CTSE: variants seen among roughly 807,000 people sequenced by gnomAD.
The protein encoded by CTSE is cathepsin E.
CTSE carries 43 observed loss-of-function variants against 42.8 expected under a neutral mutation model. That is an observed-to-expected ratio of 1.01 (90% CI 0.79 to 1.30). The LOEUF is 1.30. Ranked by LOEUF, CTSE falls within the 50% of genes most tolerant of loss-of-function variation. CTSE has a pLI of 0.00. For missense variants in CTSE, 532 were observed against 493.5 expected (o/e 1.08, Z -0.74); for synonymous variants, 205 against 191.5 (o/e 1.07, Z -0.58).
intron 7 of CTSE, 40 bp from the exon 8 acceptor site, chr1:206,012,446 C>T (rs1553277132): frequency 6.2e-7 from 1 of 1,613,718 alleles, no homozygotes; most frequent in African/African-American, 1.3e-5. Context: ...AGCCTTGCCA[C>T]CTCCCAAGAG....
At chr1:206,022,874 C>T (rs1553278657) in intron 2 of CTSE, 27 bp downstream of exon 2, 3 of 1,543,180 alleles carry the variant, frequency 1.9e-6, no homozygotes, top group South Asian at 1.3e-5. Flanking sequence ...CCCACCTCTC[C>T]CCAGCCCTGA....
At chr1:206,023,363 G>A (rs1553278785) in intron 1 of CTSE, among the ~76,000 whole-genome samples, 1 of 151,866 alleles carries the variant, frequency 6.6e-6, no homozygotes, top group South Asian at 2.1e-4. Flanking sequence ...ACATCACGAA[G>A]GGCTGATTTA....
chr1:206,010,880 T>G (rs534778773), intron 8 of CTSE, among the ~76,000 whole-genome samples: 50 of 152,084 alleles, frequency 3.3e-4, no homozygotes, highest in Non-Finnish European at 5.7e-4. Flanking sequence ...AAGAGAAGAG[T>G]GTCACCTTCT....
intron 6 of CTSE, among the ~76,000 whole-genome samples, chr1:206,013,424 T>A (rs1178423127): frequency 6.6e-6 from 1 of 151,976 alleles, no homozygotes; most frequent in Non-Finnish European, 1.5e-5. Context: ...CTGTACAAGT[T>A]TTTTGAGGAC....
intron 3 of CTSE, 46 bp downstream of exon 3, chr1:206,022,104 G>C (rs782648264): frequency 1.2e-5 from 17 of 1,387,828 alleles, no homozygotes; most frequent in Non-Finnish European, 1.7e-5. Flanking sequence ...GGCCTCCCAG[G>C]ACTAGCCCCC....
At chr1:206,010,471 C>A in intron 8 of CTSE, 124 bp from the exon 9 acceptor site, 1 of 788,266 alleles carries the variant, frequency 1.3e-6, no homozygotes. Flanking sequence ...GTGGGTTCCA[C>A]CATTTTGGTC....
chr1:206,013,316 C>A (rs536269959), intron 6 of CTSE, among the ~76,000 whole-genome samples: 5 of 152,134 alleles, frequency 3.3e-5, no homozygotes, highest in Admixed American at 3.3e-4. Context: ...CAGATAGAAG[C>A]GGTCATGCCT....
Position 206,022,931 on chromosome 1 carries a change from A to C in CTSE, c.195T>G (p.Ser65Arg). The change falls in exon 2 of 9, where the codon AGT (serine) becomes AGG (arginine). Residue 65 changes from serine to arginine, a missense_variant. Transcript: ENST00000358184. ...AGTAGTTGATGAGGGGTTCCTTGGC[A>C]CTCTGGTCCATTGAGCAGGACTCGG... Reference protein sequence around the residue: ...QFTESCSMDQSAKEPLINYLD... With the variant: ...QFTESCSMDQRAKEPLINYLD... 1 of 1,594,070 alleles carries C rather than the reference A, an allele frequency of 6.3e-7. No homozygotes were observed. The highest frequency in any genetic ancestry group is 8.6e-7 in the Non-Finnish European group (1 of 1,167,730).
intron 6 of CTSE, among the ~76,000 whole-genome samples, chr1:206,012,946 G>A (rs368780285): frequency 1.5e-4 from 23 of 151,978 alleles, no homozygotes; most frequent in South Asian, 8.3e-4. Flanking sequence ...CACCTGCCTC[G>A]GCCTCCCAAA....
chr1:206,010,071 C>A lies in CTSE; in HGVS notation c.*112G>T, dbSNP rs962975686. 2.9e-4 allele frequency: 401 copies of A among 1,363,542 alleles called. 2 individuals are homozygous for A. Among genetic ancestry groups the A allele is most frequent in the Admixed American group, 7.1e-5 (4 of 56,164 alleles). The allele number at this position is 1,363,542 out of a possible 1,614,324, so 84.5% of individuals were successfully genotyped here. A position where few individuals can be genotyped will look rare whatever the true frequency, so the allele number is the denominator to read the frequency against. On this transcript the variant is annotated 3_prime_UTR_variant, in exon 9 of 9. Transcript: ENST00000358184. ...GTTTGGTCTTAATTCAAGTTGCAAC[C>A]CTGGAAACAGCTACATTCTCTGGAA...
intron 2 of CTSE, among the ~76,000 whole-genome samples, chr1:206,022,500 C>A (rs1553278608): frequency 1.3e-5 from 2 of 152,070 alleles, no homozygotes; most frequent in East Asian, 1.9e-4. Context: ...ATTTTACTTG[C>A]ACTAACCTGA....
Position 206,015,820 on chromosome 1 carries a change from G to A in CTSE, c.662+111C>T, listed in dbSNP as rs116221170. 315 of 861,414 alleles carry A rather than the reference G, an allele frequency of 3.7e-4. 4 individuals carry two copies. The African/African-American group carries it at 5.1e-3, about 14-fold the overall frequency. 53.4% of individuals were successfully genotyped at this position (861,414 alleles called of 1,614,324 possible). A position where few individuals can be genotyped will look rare whatever the true frequency, so the allele number is the denominator to read the frequency against. On this transcript the variant is annotated intron_variant, in intron 5 of 8. Coordinates refer to ENST00000358184, the MANE Select transcript of CTSE (RefSeq NM_001910.4). ...ATGTTTTGACTAAGATCACACAGCT[G>A]GTAATGGACCAAGCTACCTAAACCA...
chr1:206,009,998 AGTG>A lies in CTSE; in HGVS notation c.*182_*184del. ...TGGTGGGAGTGGTGTGTATGTGTGA[AGTG>A]TGTGTGTGTGTATATGTGTGTGTGT... On this transcript the variant is annotated 3_prime_UTR_variant, in exon 9 of 9. Transcript: ENST00000358184. 3.4e-6 allele frequency: 2 copies of A among 587,050 alleles called. No homozygotes were observed. The highest frequency in any genetic ancestry group is 6.1e-6 in the Non-Finnish European group (2 of 329,944). 36.4% of individuals were successfully genotyped at this position (587,050 alleles called of 1,614,324 possible).
Position 206,022,190 on chromosome 1 carries a change from G to T in CTSE, c.303C>A (p.Asn101Lys), listed in dbSNP as rs1553278527. ...TGCAGTACACAGAGGGGACCCAGAG[G>T]TTGGAGGAGCCAGTGTCGAAGATGA... ...FTVIFDTGSS[N>K]LWVPSVYCTS... The change falls in exon 3 of 9, where the codon AAC (asparagine) becomes AAA (lysine). Residue 101 changes from asparagine (N) to lysine (K), a missense_variant. Asn to Lys is a moderately conservative substitution (Grantham distance 94). Transcript: ENST00000358184. 6.2e-7 allele frequency: 1 copy of T among 1,612,910 alleles called. No homozygotes were observed. Among genetic ancestry groups the T allele is most frequent in the Non-Finnish European group, 8.5e-7 (1 of 1,179,156 alleles).
chr1:206,023,736 C>T lies in CTSE; in HGVS notation c.56G>A (p.Gly19Glu). The change falls in exon 1 of 9, where the codon GGA becomes GAA. Residue 19 changes from glycine to glutamate, a missense_variant. Transcript: ENST00000358184. ...GACGTCTTCTCACCTGTGAAGGGAT[C>T]CTTGGGCCTCTCCCAGCTCCAGGAG... Reference protein sequence around the residue: ...LVLLELGEAQGSLHRVPLRRH... With the variant: ...LVLLELGEAQESLHRVPLRRH... 6.2e-7 allele frequency: 1 copy of T among 1,613,666 alleles called. No homozygotes were observed. Among genetic ancestry groups the T allele is most frequent in the Non-Finnish European group, 8.5e-7 (1 of 1,179,738 alleles).
rs77253261 is a variant in CTSE, at chr1:206,011,111, T to A, written c.1027-764A>T. On this transcript the variant is annotated intron_variant, in intron 8 of 8. Coordinates refer to ENST00000358184, the MANE Select transcript of CTSE (RefSeq NM_001910.4). ...AAATCTGCTGGTGGGAAAGAACCACTCACTGTACTGCGAAAGAACCAGCAC... is the reference window on the plus strand; with the variant it reads ...AAATCTGCTGGTGGGAAAGAACCACACACTGTACTGCGAAAGAACCAGCAC... 5.9e-3 allele frequency among the ~76,000 whole-genome samples: 895 copies of A among 152,028 alleles called. 8 individuals are homozygous for A. The highest frequency in any genetic ancestry group is 0.021 in the African/African-American group (854 of 41,498).
intron 4 of CTSE, among the ~76,000 whole-genome samples, chr1:206,018,227 T>C (rs565422477): frequency 6.6e-5 from 10 of 152,186 alleles, no homozygotes; most frequent in South Asian, 6.2e-4. Flanking sequence ...ATTGGTCATA[T>C]GATTTTTCTC....
chr1:206,013,712 G>C (rs1553277395), intron 6 of CTSE, 60 bp downstream of exon 6: 5 of 1,578,294 alleles, frequency 3.2e-6, no homozygotes, highest in East Asian at 2.3e-5. Context: ...AAATCGGTTT[G>C]AGTTGTGCCT....
intron 4 of CTSE, among the ~76,000 whole-genome samples, chr1:206,017,282 G>A (rs868931489): frequency 1.3e-5 from 2 of 152,092 alleles, no homozygotes; most frequent in African/African-American, 4.8e-5. Context: ...ATCTGAAACT[G>A]AAGTGCTTCA....
Sources: allele counts gnomAD v4.1 joint callset (sites outside exome capture counted in the v4.1 genomes callset), GRCh38; gene constraint gnomAD v4.1.1; transcripts MANE v1.5; gene names NCBI Gene and HGNC (gene_info 2026-07-23, HGNC 2026-07-21).